The following RGS6 variants were observed in gnomAD, a reference collection of about 807,000 sequenced individuals.
RGS6 encodes the protein regulator of G-protein signaling 6.
In RGS6, 30 loss-of-function variants were observed where a neutral mutation model predicts 78.5. That is an observed-to-expected ratio of 0.38 (90% CI 0.29 to 0.52). The LOEUF is 0.52. Ranked by LOEUF, RGS6 falls within the 20% of genes least tolerant of loss-of-function variation. The pLI, the probability that RGS6 is intolerant of heterozygous loss-of-function variation, is 0.85. For missense variants in RGS6, 495 were observed against 609.7 expected (o/e 0.81, Z 1.98); for synonymous variants, 206 against 206.0 (o/e 1.00, Z 0.00).
intron 3 of RGS6, among the ~76,000 whole-genome samples, chr14:72,405,942 C>T (rs1318823678): frequency 6.6e-6 from 1 of 152,160 alleles, no homozygotes; most frequent in South Asian, 2.1e-4. Flanking sequence ...GAAGATGACC[C>T]GCGTATTTCC....
chr14:72,056,581 T>C (rs749713573), intron 2 of RGS6, among the ~76,000 whole-genome samples: 13 of 152,220 alleles, frequency 8.5e-5, no homozygotes, highest in Non-Finnish European at 1.5e-4. Context: ...GACAATCACT[T>C]TTATGCAACC....
At chr14:72,541,306 C>T (rs575865294) in intron 17 of RGS6, 42 of 877,706 alleles carry the variant, frequency 4.8e-5, no homozygotes, top group East Asian at 1.2e-4. Context: ...TAGTCATTTA[C>T]GTGTCGTAGC....
intron 2 of RGS6, among the ~76,000 whole-genome samples, chr14:71,977,862 C>T (rs1302909567): frequency 6.6e-6 from 1 of 152,024 alleles, no homozygotes; most frequent in East Asian, 1.9e-4. Context: ...GCAGTATGGC[C>T]ATTTTCACGA....
chr14:71,895,157 GTAGT>G, the RGS6 span, among the ~76,000 whole-genome samples: 249 of 152,282 alleles, frequency 1.6e-3, 3 homozygotes, highest in African/African-American at 5.8e-3. Flanking sequence ...GGAAAAAAAG[GTAGT>G]TAGATAATCA....
At chr14:72,008,243 A>T (rs1474892156) in intron 2 of RGS6, among the ~76,000 whole-genome samples, 3 of 152,148 alleles carry the variant, frequency 2.0e-5, no homozygotes, top group African/African-American at 7.2e-5. Flanking sequence ...ATGGGGCCAG[A>T]TAACTTGTTT....
intron 2 of RGS6, among the ~76,000 whole-genome samples, chr14:71,987,059 A>C (rs2094744211): frequency 6.6e-6 from 1 of 152,184 alleles, no homozygotes; most frequent in Admixed American, 6.5e-5. Flanking sequence ...GCCAAGTCAA[A>C]TAACATATTT....
intron 2 of RGS6, among the ~76,000 whole-genome samples, chr14:72,236,360 A>C (rs1192288957): frequency 6.6e-6 from 1 of 152,164 alleles, no homozygotes; most frequent in African/African-American, 2.4e-5. Flanking sequence ...TAAACAGTTC[A>C]GCATGCTTAT....
intron 2 of RGS6, among the ~76,000 whole-genome samples, chr14:72,154,962 G>T (rs146920916): frequency 6.6e-6 from 1 of 152,220 alleles, no homozygotes; most frequent in Non-Finnish European, 1.5e-5. Flanking sequence ...GGAGCGGGCG[G>T]TAATGAATCC....
intron 2 of RGS6, among the ~76,000 whole-genome samples, chr14:71,985,507 A>T (rs903495257): frequency 5.3e-5 from 8 of 152,214 alleles, no homozygotes; most frequent in African/African-American, 1.9e-4. Context: ...ATAGCAAATT[A>T]AAAAATTCCT....
intron 2 of RGS6, among the ~76,000 whole-genome samples, chr14:72,270,374 C>G (rs1290435516): frequency 2.0e-5 from 3 of 152,316 alleles, no homozygotes; most frequent in Non-Finnish European, 4.4e-5. Context: ...AATAAAACAG[C>G]ATAATCCCAG....
chr14:72,395,725 T>C (rs1475586212), intron 3 of RGS6, among the ~76,000 whole-genome samples: 3 of 151,490 alleles, frequency 2.0e-5, no homozygotes, highest in African/African-American at 7.3e-5. Context: ...ATGTTCCCCG[T>C]CCTGTGTCCA....
chr14:72,001,179 C>T (rs1320685667), intron 2 of RGS6, among the ~76,000 whole-genome samples: 2 of 152,080 alleles, frequency 1.3e-5, no homozygotes, highest in Non-Finnish European at 2.9e-5. Flanking sequence ...GTCGCGGTGG[C>T]CCTGCTAAAT....
intron 12 of RGS6, among the ~76,000 whole-genome samples, chr14:72,488,949 A>G (rs2096536426): frequency 6.6e-6 from 1 of 152,218 alleles, no homozygotes; most frequent in African/African-American, 2.4e-5. Context: ...GGAGGGGAGG[A>G]CATTTCATTT....
chr14:72,149,109 G>A (rs543853899), intron 2 of RGS6, among the ~76,000 whole-genome samples: 15 of 152,286 alleles, frequency 9.8e-5, no homozygotes, highest in Non-Finnish European at 1.8e-4. Flanking sequence ...GCTGTTGGCC[G>A]AACTTGAGCA....
intron 2 of RGS6, among the ~76,000 whole-genome samples, chr14:72,095,765 G>A (rs2095391151): frequency 6.6e-6 from 1 of 152,148 alleles, no homozygotes; most frequent in South Asian, 2.1e-4. Flanking sequence ...AAAAATGAAT[G>A]TCATCACCAT....
At chr14:72,235,761 G>A (rs999583658) in intron 2 of RGS6, among the ~76,000 whole-genome samples, 5 of 152,194 alleles carry the variant, frequency 3.3e-5, no homozygotes, top group African/African-American at 1.2e-4. Flanking sequence ...TATGTATTCT[G>A]CATATTTTGT....
chr14:72,562,508 C>T lies in RGS6; in HGVS notation c.*41C>T. 6.2e-7 allele frequency: 1 copy of T among 1,608,484 alleles called. No individual in the cohort carries two copies. The highest frequency in any genetic ancestry group is 8.5e-7 in the Non-Finnish European group (1 of 1,179,736). ...GTCCAGGGCCTGGGCCCGCGGACCC[C>T]ACAGGCAGGCGGCGGCGCTCCACAT... is the stretch of plus-strand genomic sequence containing the variant. On this transcript the variant is annotated 3_prime_UTR_variant, in exon 18 of 18. Coordinates refer to ENST00000553525, the MANE Select transcript of RGS6 (RefSeq NM_001204424.2).
At chr14:72,232,174 C>T (rs768250716) in intron 2 of RGS6, among the ~76,000 whole-genome samples, 11 of 152,126 alleles carry the variant, frequency 7.2e-5, no homozygotes, top group Non-Finnish European at 1.5e-4. Flanking sequence ...AGCCTGCCAG[C>T]GAAGACCAAG....
chr14:72,611,519 C>T, the RGS6 span, among the ~76,000 whole-genome samples: 2 of 152,176 alleles, frequency 1.3e-5, no homozygotes, highest in East Asian at 3.9e-4. Context: ...CCCCCACCCC[C>T]CCAGTCCCGC....
Sources: allele counts gnomAD v4.1 joint callset (sites outside exome capture counted in the v4.1 genomes callset), GRCh38; gene constraint gnomAD v4.1.1; transcripts MANE v1.5; gene names NCBI Gene and HGNC (gene_info 2026-07-23, HGNC 2026-07-21).